The following GPM6B variants were observed in gnomAD, a reference collection of about 807,000 sequenced individuals.
GPM6B encodes glycoprotein M6B.
In GPM6B, 4 loss-of-function variants were observed where a neutral mutation model predicts 27.2. That is an observed-to-expected ratio of 0.15 (90% CI 0.07 to 0.34). The LOEUF is 0.34. Ranked by LOEUF, GPM6B falls within the 10% of genes least tolerant of loss-of-function variation. GPM6B has a pLI of 1.00. For synonymous variants in GPM6B, 124 were observed against 103.1 expected (o/e 1.20, Z -1.23); for missense variants, 183 against 261.9 (o/e 0.70, Z 2.08).
intron 1 of GPM6B, among the ~76,000 whole-genome samples, chrX:13,852,019 T>C (rs2147242317): frequency 9.1e-6 from 1 of 109,973 alleles, no homozygotes; most frequent in African/African-American, 3.3e-5. Flanking sequence ...TTCCAATCCA[T>C]CCTGATATCC....
At chrX:13,835,294 G>A (rs1334432676) in intron 1 of GPM6B, among the ~76,000 whole-genome samples, 2 of 111,805 alleles carry the variant, frequency 1.8e-5, no homozygotes, top group Non-Finnish European at 3.8e-5. Flanking sequence ...GGAACCATGG[G>A]GGCAAGTATG....
chrX:13,802,567 T>TAC (rs1004690085), intron 2 of GPM6B, among the ~76,000 whole-genome samples: 1 of 110,206 alleles, frequency 9.1e-6, no homozygotes, highest in African/African-American at 3.3e-5. Context: ...TATATATATA[T>TAC]AAAGACTGCC....
At chrX:13,850,374 C>T (rs961975002) in intron 1 of GPM6B, among the ~76,000 whole-genome samples, 1 of 112,421 alleles carries the variant, frequency 8.9e-6, no homozygotes, top group Non-Finnish European at 1.9e-5. Flanking sequence ...CTTCCTGAGG[C>T]CTTTACTGGA....
rs770153375 is a variant in GPM6B at position 13,859,938 on chromosome X, C to CT, written c.-197-74131dup. Among the ~76,000 whole-genome samples, 201 of 111,940 alleles carry CT rather than the reference C, an allele frequency of 1.8e-3. 1 individual carries two copies. Among genetic ancestry groups the CT allele is most frequent in the African/African-American group, 5.9e-3 (182 of 30,823 alleles). Reference sequence around the variant, plus strand: ...AATAGGGCACCTCACTAATGTATGCCTGTCAGTTGCATCATTCCTTTTCTT... The same window carrying CT: ...AATAGGGCACCTCACTAATGTATGCCTTGTCAGTTGCATCATTCCTTTTCTT... On this transcript the variant is annotated intron_variant, in intron 1 of 6. Transcript: ENST00000398361.
chrX:13,807,014 G>A (rs2049034371), intron 2 of GPM6B, among the ~76,000 whole-genome samples: 2 of 111,761 alleles, frequency 1.8e-5, no homozygotes, highest in Middle Eastern at 4.6e-3. Flanking sequence ...ATCAGCTGTC[G>A]CACACCTCAC....
intron 2 of GPM6B, among the ~76,000 whole-genome samples, chrX:13,793,055 T>TC (rs1312409617): frequency 4.6e-5 from 5 of 107,842 alleles, no homozygotes; most frequent in African/African-American, 1.4e-4. Context: ...CATTATACCC[T>TC]CCTCCCTTCT....
intron 1 of GPM6B, among the ~76,000 whole-genome samples, chrX:13,827,200 A>G (rs1338400165): frequency 9.2e-6 from 1 of 108,470 alleles, no homozygotes; most frequent in Non-Finnish European, 1.9e-5. Context: ...CCCAGCTCCA[A>G]GTCCCCTCCT....
At chrX:13,938,301 C>G (rs991482262) in intron 1 of GPM6B, 6 of 261,202 alleles carry the variant, frequency 2.3e-5, no homozygotes, top group South Asian at 2.6e-4. Flanking sequence ...ACCACCCCCC[C>G]CACAGGATAC....
intron 4 of GPM6B, among the ~76,000 whole-genome samples, chrX:13,781,614 T>C (rs1176361147): frequency 9.0e-6 from 1 of 111,628 alleles, no homozygotes; most frequent in Non-Finnish European, 1.9e-5. Context: ...GTATATTCAA[T>C]GAAAGGCTAA....
chrX:13,892,021 G>C (rs1013228148), intron 1 of GPM6B, among the ~76,000 whole-genome samples: 2 of 111,542 alleles, frequency 1.8e-5, no homozygotes, highest in East Asian at 5.6e-4. Context: ...CCATGCACTG[G>C]GCATGTTTCT....
chrX:13,783,773 C>A, intron 3 of GPM6B: 1 of 456,458 alleles, frequency 2.2e-6, no homozygotes, highest in East Asian at 4.4e-5. Context: ...ATCTTTTAAT[C>A]CTTACCTGAG....
intron 2 of GPM6B, among the ~76,000 whole-genome samples, chrX:13,792,210 T>C (rs1425198930): frequency 9.0e-6 from 1 of 111,460 alleles, no homozygotes; most frequent in Admixed American, 9.6e-5. Context: ...GAGATATTTT[T>C]CGTTGCCAAA....
intron 1 of GPM6B, among the ~76,000 whole-genome samples, chrX:13,892,976 C>T (rs770082827): frequency 8.9e-6 from 1 of 111,888 alleles, no homozygotes; most frequent in Non-Finnish European, 1.9e-5. Flanking sequence ...TTACAGTGAG[C>T]TATGATTGCA....
chrX:13,817,687 TA>T (rs1452959316), upstream of GPM6B, among the ~76,000 whole-genome samples: 3 of 111,967 alleles, frequency 2.7e-5, no homozygotes, highest in African/African-American at 9.7e-5. Context: ...AAATATAAAT[TA>T]AAGAGGGGGA....
chrX:13,817,509 T>C (rs1164346861), upstream of GPM6B, among the ~76,000 whole-genome samples: 1 of 112,645 alleles, frequency 8.9e-6, no homozygotes, highest in African/African-American at 3.2e-5. Flanking sequence ...TGTCTTTGCA[T>C]AGGCATGACA....
At chrX:13,854,707 C>T (rs2049759902) in intron 1 of GPM6B, among the ~76,000 whole-genome samples, 1 of 111,765 alleles carries the variant, frequency 8.9e-6, no homozygotes, top group Non-Finnish European at 1.9e-5. Flanking sequence ...GAGGGATATG[C>T]TAATTACCCT....
At chrX:13,832,869 T>C (rs2049454014) in intron 1 of GPM6B, among the ~76,000 whole-genome samples, 1 of 111,876 alleles carries the variant, frequency 8.9e-6, no homozygotes, top group Admixed American at 9.5e-5. Flanking sequence ...TAAATCTCAG[T>C]GATCTCATGG....
At chrX:13,852,328 A>T (rs2049727497) in intron 1 of GPM6B, among the ~76,000 whole-genome samples, 1 of 111,755 alleles carries the variant, frequency 8.9e-6, no homozygotes, top group South Asian at 3.8e-4. Flanking sequence ...TATTTCACTT[A>T]TAATACCTTG....
At chrX:13,802,498 T>A (rs986504607) in intron 2 of GPM6B, among the ~76,000 whole-genome samples, 6 of 110,130 alleles carry the variant, frequency 5.4e-5, no homozygotes, top group African/African-American at 1.7e-4. Context: ...TCAAAAACAA[T>A]CAAGAAATTA....
Sources: gnomAD v4.1 joint callset for allele counts (sites outside exome capture counted in the v4.1 genomes callset) on GRCh38, gnomAD v4.1.1 for gene constraint, MANE v1.5 for transcripts, NCBI Gene and HGNC (gene_info 2026-07-23, HGNC 2026-07-21) for gene names.